Variants in UFD1 observed in about 807,000 individuals in gnomAD.
UFD1 encodes the protein ubiquitin recognition factor in ER associated degradation 1, also known as ubiquitin recognition factor in ER-associated degradation protein 1.
Under a neutral mutation model 45.9 loss-of-function variants are expected in UFD1, and 13 were observed. The observed-to-expected ratio is 0.28, with a 90% confidence interval of 0.18 to 0.45. UFD1 has a LOEUF of 0.45. Ranked by LOEUF, UFD1 falls within the 20% of genes least tolerant of loss-of-function variation. The probability of loss-of-function intolerance (pLI) is 1.00; values close to 1 mark genes in which losing one functional copy is unlikely to be tolerated. For missense variants in UFD1, 218 were observed against 389.2 expected, an observed-to-expected ratio of 0.56 and a Z score of 3.70; for synonymous variants, 128 against 139.2, an observed-to-expected ratio of 0.92 and a Z score of 0.56.
In UFD1 at chr22:19,460,207, C is replaced by G. The variant is rs187680049; in HGVS notation, c.496-2068G>C. Among the ~76,000 whole-genome samples the G allele has an allele frequency of 9.2e-5, 14 of 152,294 alleles. 1 individual carries two copies. The East Asian group carries it at 2.7e-3, about 29-fold the overall frequency. ...GATATACTACCACTTATCCACTGAGCATCCGGCCTGTTTCCAATCATTTTG... is the reference window on the plus strand; with the variant it reads ...GATATACTACCACTTATCCACTGAGGATCCGGCCTGTTTCCAATCATTTTG... On this transcript the variant is annotated intron_variant, in intron 6 of 11. Transcript: ENST00000263202.
At chr22:19,455,838 C>G in intron 9 of UFD1, 70 bp from the exon 10 acceptor site, 1 of 1,451,294 alleles carries the variant, frequency 6.9e-7, no homozygotes, top group Non-Finnish European at 9.6e-7. Context: ...GCTTGGAGAT[C>G]ACTGCAGGGA....
At chr22:19,475,628 A>G (rs922562192) in intron 1 of UFD1, 26 bp from the exon 2 acceptor site, 8 of 1,613,498 alleles carry the variant, frequency 5.0e-6, no homozygotes, top group Middle Eastern at 1.6e-4. Context: ...AGAAACAAGT[A>G]TTAAAACAAA....
intron 11 of UFD1, chr22:19,451,853 C>T (rs2089685479): frequency 2.0e-6 from 2 of 985,468 alleles, no homozygotes; most frequent in Non-Finnish European, 2.4e-6. Context: ...AAACCTGTGT[C>T]TCCTGGGCCT....
chr22:19,471,661 C>T (rs752098166), intron 4 of UFD1, 26 bp downstream of exon 4: 1 of 1,610,088 alleles, frequency 6.2e-7, no homozygotes, highest in South Asian at 1.1e-5. Flanking sequence ...TGGCTGCTCT[C>T]TAGAGACCCT....
chr22:19,459,233 C>T (rs543529418), intron 6 of UFD1, among the ~76,000 whole-genome samples: 4 of 152,260 alleles, frequency 2.6e-5, no homozygotes, highest in South Asian at 2.1e-4. Context: ...TGGTATGCTA[C>T]GCAGCCAACA....
rs563279307 is a variant in UFD1 at position 19,460,857 on chromosome 22, C to T, written c.496-2718G>A. Among the ~76,000 whole-genome samples, 17 of 151,852 alleles carry T rather than the reference C, an allele frequency of 1.1e-4. No homozygotes were observed. In the East Asian group the frequency reaches 2.9e-3, roughly 26 times the overall value. On this transcript the variant is annotated intron_variant, in intron 6 of 11. Coordinates refer to ENST00000263202, the MANE Select transcript of UFD1 (RefSeq NM_005659.7). Reference sequence around the variant, plus strand: ...TCACTGCAGACTCAACTGATCCTCCCGCCTCAGCCTCCTGAATAGCTGTAA... The same window carrying T: ...TCACTGCAGACTCAACTGATCCTCCTGCCTCAGCCTCCTGAATAGCTGTAA...
At chr22:19,461,251 A>G (rs539184755) in intron 6 of UFD1, among the ~76,000 whole-genome samples, 178 of 152,356 alleles carry the variant, frequency 1.2e-3, no homozygotes, top group African/African-American at 4.0e-3. Context: ...TTATTTACCC[A>G]TTCATCTGCA....
intron 1 of UFD1, among the ~76,000 whole-genome samples, chr22:19,475,873 G>A (rs1039142662): frequency 6.6e-6 from 1 of 152,122 alleles, no homozygotes. Context: ...ACAGACTCCT[G>A]CCTGGGCTAG....
chr22:19,479,112 T>G lies in UFD1; in HGVS notation c.-27A>C, dbSNP rs1251237587. 1.5e-5 allele frequency: 24 copies of G among 1,608,616 alleles called. No individual in the cohort carries two copies. The highest frequency in any genetic ancestry group is 1.6e-4 in the Middle Eastern group (1 of 6,076). ...ATGGACACCACCTGGCAGACTCCGC[T>G]CCTCTCAGGCAATGCAACGAAGAAA... On this transcript the variant is annotated 5_prime_UTR_variant, in exon 1 of 12. Transcript: ENST00000263202.
intron 6 of UFD1, 131 bp from the exon 7 acceptor site, chr22:19,458,270 T>C (rs1339370980): frequency 4.5e-6 from 4 of 891,856 alleles, no homozygotes; most frequent in Non-Finnish European, 7.1e-6. Flanking sequence ...AACCTACAGC[T>C]GCACTTCTTG....
chr22:19,454,895 G>T, intron 10 of UFD1, 65 bp from the exon 11 acceptor site: 1 of 1,538,592 alleles, frequency 6.5e-7, no homozygotes, highest in South Asian at 1.2e-5. Context: ...ATTCATTTTT[G>T]ACAGTCAAGA....
chr22:19,454,906 G>A, intron 10 of UFD1, 76 bp from the exon 11 acceptor site: 6 of 1,499,226 alleles, frequency 4.0e-6, no homozygotes, highest in Non-Finnish European at 4.5e-6. Context: ...ACAGTCAAGA[G>A]GAACGCAGAA....
intron 10 of UFD1, among the ~76,000 whole-genome samples, 196 bp from the exon 11 acceptor site, chr22:19,455,026 C>T (rs753624901): frequency 6.6e-6 from 1 of 152,080 alleles, no homozygotes; most frequent in Non-Finnish European, 1.5e-5. Context: ...GGGTATAGGG[C>T]CAGGGGCTTT....
rs1372405121 is a variant in UFD1 at position 19,479,131 on chromosome 22, G to C, written c.-46C>G. 1.2e-6 allele frequency: 2 copies of C among 1,606,570 alleles called. No individual in the cohort carries two copies. Among genetic ancestry groups the C allele is most frequent in the Admixed American group, 3.4e-5 (2 of 59,224 alleles). On this transcript the variant is annotated 5_prime_UTR_variant, in exon 1 of 12. Transcript: ENST00000263202. Reference sequence around the variant, plus strand: ...CTCCGCTCCTCTCAGGCAATGCAACGAAGAAACCCCGCCGACCGCTCTCCC... The same window carrying C: ...CTCCGCTCCTCTCAGGCAATGCAACCAAGAAACCCCGCCGACCGCTCTCCC...
chr22:19,461,264 T>A (rs1426234989), intron 6 of UFD1, among the ~76,000 whole-genome samples: 1 of 152,248 alleles, frequency 6.6e-6, no homozygotes, highest in African/African-American at 2.4e-5. Context: ...CATCTGCAAT[T>A]TATTTTTGAC....
intron 11 of UFD1, chr22:19,452,771 C>T (rs1423095864): frequency 2.0e-5 from 3 of 152,582 alleles, no homozygotes; most frequent in Non-Finnish European, 2.9e-5. Flanking sequence ...ATGATCTTCC[C>T]GCATCAGCCT....
intron 7 of UFD1, 56 bp downstream of exon 7, chr22:19,458,015 C>G: frequency 6.3e-7 from 1 of 1,599,336 alleles, no homozygotes; most frequent in Non-Finnish European, 8.6e-7. Flanking sequence ...GCAGTGGTCA[C>G]CAACTGCCCA....
At chr22:19,478,177 CA>C (rs1387633062) in intron 1 of UFD1, among the ~76,000 whole-genome samples, 4 of 152,164 alleles carry the variant, frequency 2.6e-5, no homozygotes, top group African/African-American at 9.7e-5. Context: ...CTCCCGATCC[CA>C]TCTCTCACTT....
At chr22:19,465,792 T>C (rs1037883910) in intron 5 of UFD1, 2 of 152,622 alleles carry the variant, frequency 1.3e-5, no homozygotes, top group Admixed American at 6.5e-5. Flanking sequence ...ATGAGTCAGA[T>C]AGGTCCTCTC....
Sources: gnomAD v4.1 joint callset for allele counts (sites outside exome capture counted in the v4.1 genomes callset) on GRCh38, gnomAD v4.1.1 for gene constraint, MANE v1.5 for transcripts, NCBI Gene and HGNC (gene_info 2026-07-23, HGNC 2026-07-21) for gene names.